Variants in METTL15 observed in about 807,000 individuals in gnomAD.
METTL15 encodes 12S rRNA N(4)-cytidine methyltransferase METTL15.
A neutral mutation model predicts 38.3 loss-of-function variants in METTL15; 34 were observed. The observed-to-expected ratio is 0.89, with a 90% CI of 0.68 to 1.18. METTL15 has a LOEUF of 1.18. Ranked by LOEUF, METTL15 falls within the 50% of genes most tolerant of loss-of-function variation. The pLI is 0.00. For missense variants in METTL15, 438 were observed against 498.4 expected, an observed-to-expected ratio of 0.88 and a Z score of 1.15; for synonymous variants, 162 against 170.9, an observed-to-expected ratio of 0.95 and a Z score of 0.41.
chr11:28,482,152 G>A (rs527760272), intron 6 of METTL15, among the ~76,000 whole-genome samples: 2 of 152,108 alleles, frequency 1.3e-5, no homozygotes, highest in Non-Finnish European at 2.9e-5. Flanking sequence ...AAGGCAAGTG[G>A]GGAAGCTGTC....
At chr11:28,109,048 C>G (rs1368452870) in intron 1 of METTL15, among the ~76,000 whole-genome samples, 1 of 152,180 alleles carries the variant, frequency 6.6e-6, no homozygotes, top group Non-Finnish European at 1.5e-5. Context: ...GCAATGGAAT[C>G]AAACTCTTCC....
At chr11:28,162,106 C>A (rs772425827) in intron 3 of METTL15, among the ~76,000 whole-genome samples, 3 of 152,084 alleles carry the variant, frequency 2.0e-5, no homozygotes, top group Non-Finnish European at 4.4e-5. Context: ...ACCAACATAT[C>A]CTTCTTGCAG....
At chr11:28,256,216 G>A (rs1854965556) in intron 4 of METTL15, among the ~76,000 whole-genome samples, 1 of 152,186 alleles carries the variant, frequency 6.6e-6, no homozygotes, top group African/African-American at 2.4e-5. Flanking sequence ...CTCACACAGT[G>A]AGTTTGAAAA....
At chr11:28,246,114 C>T (rs1166270577) in intron 4 of METTL15, among the ~76,000 whole-genome samples, 3 of 151,958 alleles carry the variant, frequency 2.0e-5, no homozygotes, top group Non-Finnish European at 4.4e-5. Flanking sequence ...AGAAATAAAG[C>T]AATGTTTGGA....
chr11:28,316,668 ACT>A (rs1227782144), intron 6 of METTL15, among the ~76,000 whole-genome samples: 1 of 152,126 alleles, frequency 6.6e-6, no homozygotes, highest in Non-Finnish European at 1.5e-5. Context: ...TCATTTAATA[ACT>A]CACATAATTC....
At chr11:28,395,778 G>A (rs189530983) in intron 5 of METTL15, among the ~76,000 whole-genome samples, 24 of 152,190 alleles carry the variant, frequency 1.6e-4, no homozygotes, top group Non-Finnish European at 2.8e-4. Flanking sequence ...CCAAAGCCGG[G>A]CAGAGACACA....
intron 6 of METTL15, among the ~76,000 whole-genome samples, chr11:28,522,233 TAGTC>T (rs1450897487): frequency 6.6e-6 from 1 of 152,232 alleles, no homozygotes; most frequent in African/African-American, 2.4e-5. Context: ...AGCAGTGTAT[TAGTC>T]AGGATAATCC....
intron 5 of METTL15, among the ~76,000 whole-genome samples, chr11:28,291,505 T>G (rs945812436): frequency 1.3e-5 from 2 of 152,142 alleles, no homozygotes; most frequent in Non-Finnish European, 2.9e-5. Context: ...CTGCTTTGTT[T>G]TGTGGTAATT....
At chr11:28,481,154 C>A (rs559920399) in intron 6 of METTL15, among the ~76,000 whole-genome samples, 1 of 152,216 alleles carries the variant, frequency 6.6e-6, no homozygotes, top group East Asian at 1.9e-4. Context: ...ACAATTGTAA[C>A]CCTGATGTCA....
At chr11:28,490,224 C>A (rs1851483330) in intron 6 of METTL15, among the ~76,000 whole-genome samples, 1 of 152,114 alleles carries the variant, frequency 6.6e-6, no homozygotes, top group Non-Finnish European at 1.5e-5. Context: ...TGCATTCTCA[C>A]CTGGCATTGC....
At chr11:28,419,485 A>G (rs1850802007) in intron 5 of METTL15, among the ~76,000 whole-genome samples, 2 of 152,170 alleles carry the variant, frequency 1.3e-5, no homozygotes, top group African/African-American at 4.8e-5. Context: ...GTGACCAAAA[A>G]CATAGATCAC....
At chr11:28,395,794 A>C (rs1850561831) in intron 5 of METTL15, among the ~76,000 whole-genome samples, 1 of 152,138 alleles carries the variant, frequency 6.6e-6, no homozygotes, top group South Asian at 2.1e-4. Context: ...ACACAACAAA[A>C]AAAGAGAATT....
rs1850175012 is a variant in METTL15, at chr11:28,365,307, G to C, written c.*358+3271G>C. Reference sequence around the variant, plus strand: ...CAGCTGTAAATCCATCTAGTCCAGGGCTCTTTCTGATTGGTAGGTTTTTTA... The same window carrying C: ...CAGCTGTAAATCCATCTAGTCCAGGCCTCTTTCTGATTGGTAGGTTTTTTA... On this transcript the variant is annotated intron_variant and NMD_transcript_variant, in intron 5 of 7. Coordinates refer to the METTL15 transcript ENST00000532947. Among the ~76,000 whole-genome samples the C allele has an allele frequency of 2.0e-5, 3 of 152,008 alleles. No individual in the cohort carries two copies. In the South Asian group the frequency reaches 6.2e-4, roughly 32 times the overall value.
At chr11:28,209,659 A>G (rs1276859262) in intron 3 of METTL15, among the ~76,000 whole-genome samples, 1 of 151,918 alleles carries the variant, frequency 6.6e-6, no homozygotes, top group African/African-American at 2.4e-5. Context: ...CCTCCATGTT[A>G]TTCTTTCAGT....
At chr11:28,420,333 G>A (rs990095923) in intron 5 of METTL15, among the ~76,000 whole-genome samples, 5 of 152,034 alleles carry the variant, frequency 3.3e-5, no homozygotes, top group Non-Finnish European at 1.5e-5. Context: ...AATCAACAAA[G>A]AAACATTGGA....
At chr11:28,477,552 A>G (rs1851357463) in intron 6 of METTL15, 1 of 152,178 alleles carries the variant, frequency 6.6e-6, no homozygotes, top group Admixed American at 6.5e-5. Context: ...GTTAGCCTGA[A>G]TGGAACTCTG....
At chr11:28,122,751 C>T (rs1693453045) in intron 3 of METTL15, among the ~76,000 whole-genome samples, 1 of 151,604 alleles carries the variant, frequency 6.6e-6, no homozygotes, top group Admixed American at 6.6e-5. Flanking sequence ...ATATAATTCT[C>T]TTTATTTGAA....
At chr11:28,224,491 G>A (rs1349725525) in intron 4 of METTL15, among the ~76,000 whole-genome samples, 3 of 151,830 alleles carry the variant, frequency 2.0e-5, no homozygotes, top group South Asian at 2.1e-4. Context: ...TAACACCAAC[G>A]TAAACAGGTT....
chr11:28,113,579 A>C lies in METTL15; in HGVS notation c.245A>C (p.His82Pro). 6.2e-7 allele frequency: 1 copy of C among 1,610,818 alleles called. No homozygotes were observed. The highest frequency in any genetic ancestry group is 1.1e-5 in the South Asian group (1 of 90,412). ...CCAGTAATGGTGGATGAAGTTGTTCATTGTTTGTCACCACAAAAAGGACAG... is the reference window on the plus strand; with the variant it reads ...CCAGTAATGGTGGATGAAGTTGTTCCTTGTTTGTCACCACAAAAAGGACAG... ...HIPVMVDEVV[H>P]CLSPQKGQIF... The change falls in exon 3 of 7, where the codon CAT becomes CCT. Residue 82 changes from histidine to proline, a missense_variant. By Grantham distance (77) the His-to-Pro change is moderately conservative. Coordinates refer to ENST00000407364, the MANE Select transcript of METTL15 (RefSeq NM_001113528.2).
Sources: gnomAD v4.1 joint callset for allele counts (sites outside exome capture counted in the v4.1 genomes callset) on GRCh38, gnomAD v4.1.1 for gene constraint, MANE v1.5 for transcripts, NCBI Gene and HGNC (gene_info 2026-07-23, HGNC 2026-07-21) for gene names.